MGMT: variants seen among roughly 807,000 people sequenced by gnomAD.
MGMT encodes methylated-DNA--protein-cysteine methyltransferase.
A neutral mutation model predicts 15.9 loss-of-function variants in MGMT; 14 were observed. The ratio of observed to expected loss-of-function variants is 0.88; its 90% CI spans 0.58 to 1.37. The LOEUF (loss-of-function observed/expected upper bound fraction) is 1.37, where lower values mean the gene tolerates loss of function less well. MGMT is among the 40% of genes most tolerant of loss of function. The pLI is 0.00. For missense variants in MGMT, 282 were observed against 268.1 expected, an observed-to-expected ratio of 1.05 and a Z score of -0.36; for synonymous variants, 130 against 118.2, an observed-to-expected ratio of 1.10 and a Z score of -0.65.
intron 1 of MGMT, among the ~76,000 whole-genome samples, chr10:129,525,722 C>T (rs1259060820): frequency 6.6e-6 from 1 of 152,174 alleles, no homozygotes; most frequent in East Asian, 1.9e-4. Context: ...ACATGAGCAG[C>T]GTTTGTGGAA....
intron 3 of MGMT, among the ~76,000 whole-genome samples, chr10:129,709,027 T>C (rs1015389724): frequency 1.3e-5 from 2 of 152,194 alleles, no homozygotes; most frequent in African/African-American, 4.8e-5. Flanking sequence ...GGCGAACATA[T>C]GAAGTCATGA....
At chr10:129,482,971 T>C (rs1845373868) in intron 1 of MGMT, among the ~76,000 whole-genome samples, 1 of 152,210 alleles carries the variant, frequency 6.6e-6, no homozygotes. Context: ...CTTTTTGCCC[T>C]TCCTCCATCT....
intron 2 of MGMT, among the ~76,000 whole-genome samples, chr10:129,690,572 A>G (rs1459729187): frequency 1.3e-5 from 2 of 152,106 alleles, no homozygotes; most frequent in African/African-American, 4.8e-5. Context: ...CATGGAGGGG[A>G]GGCTGGGCTG....
At chr10:129,661,748 T>C (rs1310915743) in intron 2 of MGMT, among the ~76,000 whole-genome samples, 2 of 152,236 alleles carry the variant, frequency 1.3e-5, no homozygotes, top group Non-Finnish European at 2.9e-5. Context: ...GTTTCCAGTT[T>C]TGAGTCCTGC....
chr10:129,520,912 C>T (rs1484233167), intron 1 of MGMT, among the ~76,000 whole-genome samples: 2 of 151,822 alleles, frequency 1.3e-5, no homozygotes, highest in East Asian at 1.9e-4. Flanking sequence ...GGTGTGCATA[C>T]AGAACCCCTA....
At chr10:129,477,842 G>C (rs1159968944) in intron 1 of MGMT, among the ~76,000 whole-genome samples, 2 of 152,200 alleles carry the variant, frequency 1.3e-5, no homozygotes, top group Non-Finnish European at 2.9e-5. Flanking sequence ...CTCATCAAGG[G>C]ATTGTGTATG....
chr10:129,743,458 G>C (rs532995513), intron 3 of MGMT, among the ~76,000 whole-genome samples: 3 of 152,184 alleles, frequency 2.0e-5, no homozygotes, highest in Non-Finnish European at 4.4e-5. Flanking sequence ...GCATCAGTGC[G>C]TTGGTTGGTG....
chr10:129,518,893 A>T (rs183330848), intron 1 of MGMT, among the ~76,000 whole-genome samples: 1 of 151,896 alleles, frequency 6.6e-6, no homozygotes, highest in Non-Finnish European at 1.5e-5. Flanking sequence ...CATCAGCTGT[A>T]TACATACATA....
intron 2 of MGMT, among the ~76,000 whole-genome samples, chr10:129,629,626 G>A (rs1270288363): frequency 6.6e-6 from 1 of 152,194 alleles, no homozygotes; most frequent in Admixed American, 6.5e-5. Context: ...AGGATCTTTA[G>A]GATCACTGAG....
At chr10:129,554,858 G>GTCACAGTT (rs1846195352) in intron 2 of MGMT, among the ~76,000 whole-genome samples, 1 of 152,228 alleles carries the variant, frequency 6.6e-6, no homozygotes. Flanking sequence ...GACATTGTGT[G>GTCACAGTT]GTGTGAACGC....
At chr10:129,497,862 C>A (rs561735384) in intron 1 of MGMT, among the ~76,000 whole-genome samples, 6 of 152,296 alleles carry the variant, frequency 3.9e-5, no homozygotes, top group Admixed American at 1.3e-4. Flanking sequence ...TCTCTGTGAA[C>A]CAGGAAGAGG....
At position 129,556,191 on chromosome 10, in the gene MGMT, G is replaced by T. The variant is rs569549856; in HGVS notation, c.125+19814G>T. Among the ~76,000 whole-genome samples the T allele has an allele frequency of 3.3e-5, 5 of 152,170 alleles. No homozygotes were observed. Among genetic ancestry groups the T allele is most frequent in the African/African-American group, 4.8e-5 (2 of 41,434 alleles). ...GAGACCAAGCAGTGCTTTCGGGATC[G>T]CTCTGTTGGTCTCTGTGTAGCACGT... is the stretch of plus-strand genomic sequence containing the variant. On this transcript the variant is annotated intron_variant, in intron 2 of 4. Transcript: ENST00000651593. The surrounding 1 kb of genome is among the most constrained non-coding windows in gnomAD (Gnocchi z 4.3).
chr10:129,759,796 AC>A (rs1005461861), intron 4 of MGMT, among the ~76,000 whole-genome samples: 13 of 151,336 alleles, frequency 8.6e-5, no homozygotes, highest in Non-Finnish European at 1.8e-4. Context: ...TGCACATCCA[AC>A]CCCATCTCTC....
intron 2 of MGMT, among the ~76,000 whole-genome samples, chr10:129,558,055 C>T (rs1368307489): frequency 3.9e-5 from 6 of 152,186 alleles, no homozygotes; most frequent in Non-Finnish European, 1.5e-5. Context: ...ACCTTGGCCC[C>T]CGTAACACCA....
intron 2 of MGMT, among the ~76,000 whole-genome samples, chr10:129,553,111 T>C (rs978088260): frequency 6.6e-6 from 1 of 152,194 alleles, no homozygotes; most frequent in Admixed American, 6.5e-5. Context: ...ATTTCTGCGA[T>C]AGGGTTCAGT....
chr10:129,547,368 T>A (rs1846108704), intron 2 of MGMT, among the ~76,000 whole-genome samples: 1 of 152,084 alleles, frequency 6.6e-6, no homozygotes, highest in East Asian at 1.9e-4. Context: ...CTCCCCCCTT[T>A]CCTCCTGTAC....
chr10:129,525,732 A>T (rs1249203269), intron 1 of MGMT, among the ~76,000 whole-genome samples: 2 of 152,204 alleles, frequency 1.3e-5, no homozygotes. Context: ...CGTTTGTGGA[A>T]TGCGGCTTCA....
chr10:129,475,749 A>C (rs940552784), intron 1 of MGMT, among the ~76,000 whole-genome samples: 2 of 145,802 alleles, frequency 1.4e-5, no homozygotes, highest in African/African-American at 4.9e-5. Flanking sequence ...ACCAGGACAC[A>C]GGAGGTTGCT....
intron 2 of MGMT, among the ~76,000 whole-genome samples, chr10:129,548,166 G>A (rs1436628525): frequency 1.3e-5 from 2 of 152,124 alleles, no homozygotes; most frequent in Non-Finnish European, 2.9e-5. Flanking sequence ...AAGGCTTGGG[G>A]TATGCTGACT....
Sources: gnomAD v4.1 joint callset for allele counts (sites outside exome capture counted in the v4.1 genomes callset) on GRCh38, gnomAD v4.1.1 for gene constraint, Gnocchi (gnomAD v3.1) non-coding constraint, MANE v1.5 for transcripts, NCBI Gene and HGNC (gene_info 2026-07-23, HGNC 2026-07-21) for gene names.